The following SLC2A13 variants were observed in gnomAD, a reference collection of about 807,000 sequenced individuals.
SLC2A13 encodes the protein solute carrier family 2 member 13, also known as proton myo-inositol cotransporter.
Under a neutral mutation model 64.4 loss-of-function variants are expected in SLC2A13, and 32 were observed. The ratio of observed to expected loss-of-function variants is 0.50; its 90% confidence interval spans 0.37 to 0.67. The LOEUF is 0.67. Ranked by LOEUF, SLC2A13 falls within the 30% of genes least tolerant of loss-of-function variation. The pLI, the probability that SLC2A13 is intolerant of heterozygous loss-of-function variation, is 0.00. For synonymous variants in SLC2A13, 338 were observed against 327.1 expected (o/e 1.03, Z -0.36); for missense variants, 743 against 829.2 (o/e 0.90, Z 1.28).
At chr12:39,833,886 T>A (rs7358574) in intron 6 of SLC2A13, among the ~76,000 whole-genome samples, 2 of 146,028 alleles carry the variant, frequency 1.4e-5, no homozygotes. Context: ...CTCTGAAGCA[T>A]GGTCATAAAA....
intron 1 of SLC2A13, among the ~76,000 whole-genome samples, chr12:40,080,911 T>C (rs1005285015): frequency 6.6e-6 from 1 of 152,240 alleles, no homozygotes; most frequent in African/African-American, 2.4e-5. Flanking sequence ...ATGAATTCCC[T>C]TAGTGTTTGC....
intron 3 of SLC2A13, among the ~76,000 whole-genome samples, chr12:39,980,872 T>G (rs1462924469): frequency 6.6e-6 from 1 of 151,586 alleles, no homozygotes; most frequent in Non-Finnish European, 1.5e-5. Flanking sequence ...AGAATATACA[T>G]TTTTTTCAGC....
chr12:39,776,321 A>G (rs1940776380), intron 7 of SLC2A13, among the ~76,000 whole-genome samples: 1 of 152,116 alleles, frequency 6.6e-6, no homozygotes, highest in Non-Finnish European at 1.5e-5. Flanking sequence ...CCGACAGCTG[A>G]GTGGTCCCCC....
At chr12:40,013,755 C>T (rs528998582) in intron 3 of SLC2A13, among the ~76,000 whole-genome samples, 22 of 152,346 alleles carry the variant, frequency 1.4e-4, no homozygotes, top group African/African-American at 4.3e-4. Flanking sequence ...TGAGCTCTTA[C>T]GTGTGCGGCC....
intron 4 of SLC2A13, among the ~76,000 whole-genome samples, chr12:39,940,467 A>G (rs1345527854): frequency 3.9e-5 from 6 of 152,078 alleles, no homozygotes; most frequent in African/African-American, 7.2e-5. Flanking sequence ...AATGGAACAG[A>G]TCCAGAAATA....
intron 4 of SLC2A13, among the ~76,000 whole-genome samples, chr12:39,909,879 G>C (rs1378395411): frequency 6.7e-6 from 1 of 148,862 alleles, no homozygotes; most frequent in Non-Finnish European, 1.5e-5. Context: ...TTTTTTAAGA[G>C]AGTAAATAAC....
At chr12:39,969,668 T>C (rs1946604554) in intron 3 of SLC2A13, among the ~76,000 whole-genome samples, 1 of 152,224 alleles carries the variant, frequency 6.6e-6, no homozygotes, top group Non-Finnish European at 1.5e-5. Context: ...TCTTGTAAAT[T>C]TGTTGGAGTT....
chr12:40,090,589 T>G (rs1938735457), intron 1 of SLC2A13, among the ~76,000 whole-genome samples: 1 of 152,188 alleles, frequency 6.6e-6, no homozygotes, highest in Non-Finnish European at 1.5e-5. Context: ...TAATATATAT[T>G]CATGTTTATT....
At chr12:39,964,856 G>A (rs969513812) in intron 3 of SLC2A13, among the ~76,000 whole-genome samples, 1 of 152,052 alleles carries the variant, frequency 6.6e-6, no homozygotes, top group Admixed American at 6.6e-5. Context: ...GCTATAAGAG[G>A]CTGCTGAACC....
chr12:40,051,732 A>C (rs1481205524), intron 1 of SLC2A13, among the ~76,000 whole-genome samples: 1 of 152,156 alleles, frequency 6.6e-6, no homozygotes, highest in African/African-American at 2.4e-5. Flanking sequence ...AGGCAGGACG[A>C]AAAGCATCCT....
chr12:39,918,032 CAATT>C lies in SLC2A13; in HGVS notation c.1034+33221_1034+33224del, dbSNP rs974679388. On this transcript the variant is annotated intron_variant, in intron 4 of 9. Transcript: ENST00000280871. ...GACAATGAGGAAATGTGCATACAAACAATTAATTTAAACACTCACTGAGTACCTA... is the reference window on the plus strand; with the variant it reads ...GACAATGAGGAAATGTGCATACAAACAATTTAAACACTCACTGAGTACCTA... Among the ~76,000 whole-genome samples, 5 of 152,024 alleles carry C rather than the reference CAATT, an allele frequency of 3.3e-5. No homozygotes were observed. In the South Asian group the frequency reaches 6.3e-4, roughly 19 times the overall value.
chr12:39,820,584 T>C (rs1321197892), intron 7 of SLC2A13, among the ~76,000 whole-genome samples: 1 of 152,032 alleles, frequency 6.6e-6, no homozygotes, highest in African/African-American at 2.4e-5. Flanking sequence ...AGCGGTTCTT[T>C]GATTTGAATG....
At chr12:40,072,585 G>C (rs970674556) in intron 1 of SLC2A13, among the ~76,000 whole-genome samples, 2 of 152,034 alleles carry the variant, frequency 1.3e-5, no homozygotes, top group Admixed American at 1.3e-4. Context: ...AGGCACATAA[G>C]GTAAATTGGA....
chr12:40,065,325 T>A (rs12426378), intron 1 of SLC2A13, among the ~76,000 whole-genome samples: 4,307 of 152,170 alleles, frequency 0.028, 178 homozygotes, highest in Admixed American at 0.11. Context: ...ACCTATCTTA[T>A]AATCCCAACA....
At chr12:39,926,760 C>T (rs1945737415) in intron 4 of SLC2A13, among the ~76,000 whole-genome samples, 1 of 152,120 alleles carries the variant, frequency 6.6e-6, no homozygotes, top group Middle Eastern at 3.2e-3. Context: ...AGATTACAGG[C>T]ATGAGCCACC....
intron 6 of SLC2A13, chr12:39,835,550 C>T (rs1462569783): frequency 6.6e-6 from 1 of 152,116 alleles, no homozygotes; most frequent in Admixed American, 6.6e-5. Flanking sequence ...TATTGATACA[C>T]AGTTTAAATT....
intron 3 of SLC2A13, among the ~76,000 whole-genome samples, chr12:39,954,271 T>C (rs1402468790): frequency 2.0e-5 from 3 of 151,962 alleles, no homozygotes; most frequent in Non-Finnish European, 4.4e-5. Context: ...TTTCCTTGAG[T>C]TGAAAAGATG....
intron 6 of SLC2A13, among the ~76,000 whole-genome samples, chr12:39,858,901 C>T (rs891439124): frequency 1.5e-4 from 23 of 152,158 alleles, no homozygotes; most frequent in South Asian, 2.1e-4. Flanking sequence ...GCACCGTGCC[C>T]GACCGTTTTT....
intron 4 of SLC2A13, among the ~76,000 whole-genome samples, chr12:39,885,163 G>A (rs544052483): frequency 6.6e-6 from 1 of 152,360 alleles, no homozygotes; most frequent in East Asian, 1.9e-4. Flanking sequence ...CAAAAGAACT[G>A]AGTGGGGAAG....
Sources: allele counts gnomAD v4.1 joint callset (sites outside exome capture counted in the v4.1 genomes callset), GRCh38; gene constraint gnomAD v4.1.1; transcripts MANE v1.5; gene names NCBI Gene and HGNC (gene_info 2026-07-23, HGNC 2026-07-21).